TENT4A: variants seen among roughly 807,000 people sequenced by gnomAD.
TENT4A encodes the protein terminal nucleotidyltransferase 4A.
A neutral mutation model predicts 72.8 loss-of-function variants in TENT4A; 7 were observed. That is an observed-to-expected ratio of 0.10 (90% CI 0.05 to 0.18). The LOEUF (loss-of-function observed/expected upper bound fraction) is 0.18. TENT4A is among the 10% of genes least tolerant of loss of function. TENT4A has a pLI of 1.00. For synonymous variants in TENT4A, 456 were observed against 434.3 expected (o/e 1.05, Z -0.62); for missense variants, 831 against 1,017.7 (o/e 0.82, Z 2.50).
At chr5:6,714,806 G>T in intron 1 of TENT4A, 107 bp downstream of exon 1, 1 of 517,320 alleles carries the variant, frequency 1.9e-6, no homozygotes, top group Non-Finnish European at 2.8e-6. Context: ...GAGGATGGAT[G>T]TTGAAGGCTA....
rs12332556 is a variant in TENT4A, at chr5:6,733,540, A to G, written c.717-3970A>G. Among the ~76,000 whole-genome samples the G allele has an allele frequency of 6.8e-3, 1,034 of 152,368 alleles. 10 individuals carry two copies. Among genetic ancestry groups the G allele is most frequent in the African/African-American group, 0.022 (915 of 41,592 alleles). ...CAGAACTGAAATTGAGCTTTAAAAGATATTGATGACGGGTCTGTGGATAGG... is the reference window on the plus strand; with the variant it reads ...CAGAACTGAAATTGAGCTTTAAAAGGTATTGATGACGGGTCTGTGGATAGG... On this transcript the variant is annotated intron_variant, in intron 1 of 12. Coordinates refer to ENST00000230859, the MANE Select transcript of TENT4A (RefSeq NM_006999.6).
intron 1 of TENT4A, among the ~76,000 whole-genome samples, chr5:6,725,151 C>T (rs1472882939): frequency 2.6e-5 from 4 of 152,154 alleles, no homozygotes; most frequent in Non-Finnish European, 4.4e-5. Flanking sequence ...AAAACCCCAT[C>T]TCTACTAAAA....
chr5:6,713,659 C>CGCG lies in TENT4A; in HGVS notation c.-322_-320dup, dbSNP rs1333250440. 2 of 146,710 alleles carry CGCG rather than the reference C, an allele frequency of 1.4e-5. No homozygotes were observed. The highest frequency in any genetic ancestry group is 3.0e-5 in the Non-Finnish European group (2 of 65,716). The allele number at this position is 146,710 out of a possible 1,614,324, so 9.1% of individuals were successfully genotyped here. A position where few individuals can be genotyped will look rare whatever the true frequency, so the allele number is the denominator to read the frequency against. On this transcript the variant is annotated 5_prime_UTR_variant, in exon 1 of 13. Transcript: ENST00000230859. ...GGCCCGAGTGGAACGCCGCCGCCGCCGCGGCCCCCGCGCCCGCCCCGCGCC... is the reference window on the plus strand; with the variant it reads ...GGCCCGAGTGGAACGCCGCCGCCGCCGCGGCGGCCCCCGCGCCCGCCCCGCGCC...
chr5:6,727,286 A>C (rs114921429), intron 1 of TENT4A, among the ~76,000 whole-genome samples: 1 of 151,128 alleles, frequency 6.6e-6, no homozygotes, highest in Non-Finnish European at 1.5e-5. Flanking sequence ...AACCCCTCCC[A>C]CCTTGCCCCT....
intron 1 of TENT4A, among the ~76,000 whole-genome samples, chr5:6,720,351 C>T (rs1189222535): frequency 3.9e-5 from 6 of 152,036 alleles, no homozygotes; most frequent in Non-Finnish European, 5.9e-5. Flanking sequence ...GCATAGAATC[C>T]GTTGATGAGC....
Position 6,756,014 on chromosome 5 carries a change from TTGATTCCGTTGAGGAATC to T in TENT4A, c.*1072_*1089del, listed in dbSNP as rs1742676094. The stretch of plus-strand genomic sequence containing the variant: ...TAGGAATGTGGAGAAAGGAATTCTG[TTGATTCCGTTGAGGAATC>T]TGTAGCGTATGCATTCGTTCTGTTA... On this transcript the variant is annotated 3_prime_UTR_variant, in exon 13 of 13. Coordinates refer to ENST00000230859, the MANE Select transcript of TENT4A (RefSeq NM_006999.6). 1 of 152,340 alleles carries T rather than the reference TTGATTCCGTTGAGGAATC, an allele frequency of 6.6e-6. No homozygotes were observed. The highest frequency in any genetic ancestry group is 6.5e-5 in the Admixed American group (1 of 15,284). 9.4% of individuals were successfully genotyped at this position (152,340 alleles called of 1,614,324 possible).
intron 1 of TENT4A, among the ~76,000 whole-genome samples, chr5:6,729,297 A>C (rs1203328395): frequency 6.6e-6 from 1 of 152,252 alleles, no homozygotes; most frequent in Admixed American, 6.5e-5. Flanking sequence ...ATTATTTGGG[A>C]GGATCTAGTG....
intron 1 of TENT4A, among the ~76,000 whole-genome samples, chr5:6,735,561 C>T (rs186126266): frequency 5.9e-5 from 9 of 152,322 alleles, no homozygotes; most frequent in African/African-American, 1.9e-4. Context: ...GGTAACACCT[C>T]AGACTTTAAA....
intron 1 of TENT4A, among the ~76,000 whole-genome samples, chr5:6,726,185 T>C (rs558138389): frequency 2.0e-5 from 3 of 152,132 alleles, no homozygotes; most frequent in Non-Finnish European, 4.4e-5. Context: ...CCAGTGTGGA[T>C]TTATTAAGTC....
At position 6,755,095 on chromosome 5, in the gene TENT4A, T is replaced by C; in HGVS notation, c.*150T>C. On this transcript the variant is annotated 3_prime_UTR_variant, in exon 13 of 13. Transcript: ENST00000230859. ...TCACTCTGCATGTTTCTTCGTGTGG[T>C]GGTCGCGTCCATCTTCAAGAACAGC... 3.4e-6 allele frequency: 2 copies of C among 583,936 alleles called. No homozygotes were observed. The highest frequency in any genetic ancestry group is 5.7e-6 in the Non-Finnish European group (2 of 350,702). The allele number at this position is 583,936 out of a possible 1,614,324, so 36.2% of individuals were successfully genotyped here. A position where few individuals can be genotyped will look rare whatever the true frequency, so the allele number is the denominator to read the frequency against.
At chr5:6,717,703 A>T (rs936236343) in intron 1 of TENT4A, among the ~76,000 whole-genome samples, 1 of 152,166 alleles carries the variant, frequency 6.6e-6, no homozygotes, top group African/African-American at 2.4e-5. Context: ...TGTGCTATCT[A>T]CCTGGGCTTC....
chr5:6,736,102 G>C (rs274689), intron 1 of TENT4A, among the ~76,000 whole-genome samples: 55,076 of 152,074 alleles, frequency 0.36, 10,038 homozygotes, highest in South Asian at 0.45. Flanking sequence ...AAATTAGGCT[G>C]CAGGCATGGC....
rs1742367288 is a variant in TENT4A, at chr5:6,750,968, A to C, written c.1861-71A>C. The C allele has an allele frequency of 6.6e-6, 10 of 1,524,522 alleles. No homozygotes were observed. In the Admixed American group the frequency reaches 1.8e-4, roughly 28 times the overall value. 94.4% of individuals were successfully genotyped at this position (1,524,522 alleles called of 1,614,324 possible). ...AGCCTGGATGCAGGCGTTTCTTTTC[A>C]TAGCTTTAAGGAAGTAGTAGTGCAC... On this transcript the variant is annotated intron_variant, in intron 10 of 12. Coordinates refer to ENST00000230859, the MANE Select transcript of TENT4A (RefSeq NM_006999.6).
At chr5:6,725,618 C>T (rs1740879625) in intron 1 of TENT4A, among the ~76,000 whole-genome samples, 1 of 152,212 alleles carries the variant, frequency 6.6e-6, no homozygotes, top group Non-Finnish European at 1.5e-5. Context: ...GAGGTTGTTT[C>T]TAAGAGTGCT....
rs143202261 is a variant in TENT4A at position 6,748,471 on chromosome 5, C to T, written c.1467C>T (p.Asp489=). 7.4e-4 allele frequency: 1,197 copies of T among 1,614,024 alleles called. No individual in the cohort carries two copies. Among genetic ancestry groups the T allele is most frequent in the Middle Eastern group, 1.2e-3 (7 of 6,058 alleles). ...CIEDPLLPGN[D]VGRSSYGAMQ... ...ATAGCCTTTTTGCTGCAGGGAATGA[C>T]GTTGGCCGGAGCTCCTATGGCGCCA... Residue 489 remains aspartate (D), a synonymous_variant, in exon 8 of 13, where the codon GAC becomes GAT. Transcript: ENST00000230859.
Position 6,738,491 on chromosome 5 carries a change from C to T in TENT4A, c.841-192C>T, listed in dbSNP as rs376851249. On this transcript the variant is annotated intron_variant, in intron 2 of 12. Coordinates refer to ENST00000230859, the MANE Select transcript of TENT4A (RefSeq NM_006999.6). ...TCTTAATTTTGAGTTTTTAAACATT[C>T]CTTTTTTGGGCATGTCTTTAACTTA... Among the ~76,000 whole-genome samples, 12 of 152,244 alleles carry T rather than the reference C, an allele frequency of 7.9e-5. 1 individual carries two copies. Among genetic ancestry groups the T allele is most frequent in the Middle Eastern group, 3.4e-3 (1 of 294 alleles).
intron 1 of TENT4A, among the ~76,000 whole-genome samples, chr5:6,725,200 A>G (rs1054569456): frequency 6.6e-6 from 1 of 152,202 alleles, no homozygotes; most frequent in Non-Finnish European, 1.5e-5. Flanking sequence ...ACGCACCTGT[A>G]GTCCCAGCTA....
intron 4 of TENT4A, 109 bp downstream of exon 4, chr5:6,739,961 G>T (rs369787225): frequency 4.7e-5 from 52 of 1,095,010 alleles, no homozygotes; most frequent in East Asian, 3.7e-4. Context: ...ACAGTTATTG[G>T]CTACAGTTTT....
Position 6,721,360 on chromosome 5 carries a change from G to T in TENT4A, c.716+6661G>T, listed in dbSNP as rs903930931. Among the ~76,000 whole-genome samples the T allele has an allele frequency of 2.6e-5, 4 of 152,324 alleles. No homozygotes were observed. In the South Asian group the frequency reaches 6.2e-4, roughly 24 times the overall value. On this transcript the variant is annotated intron_variant, in intron 1 of 12. Coordinates refer to ENST00000230859, the MANE Select transcript of TENT4A (RefSeq NM_006999.6). ...TGCAGTTTATCTGCTTTCCTTCCTG[G>T]AGAGTGGCTAAACTAGTGTTCTGTT...
Sources: allele counts gnomAD v4.1 joint callset (sites outside exome capture counted in the v4.1 genomes callset), GRCh38; gene constraint gnomAD v4.1.1; transcripts MANE v1.5; gene names NCBI Gene and HGNC (gene_info 2026-07-23, HGNC 2026-07-21).